Variants in OPCML observed in about 807,000 individuals in gnomAD.
OPCML encodes opioid binding protein/cell adhesion molecule like.
A neutral mutation model predicts 37.8 loss-of-function variants in OPCML; 13 were observed. That is an observed-to-expected ratio of 0.34 (90% CI 0.22 to 0.55). OPCML has a LOEUF of 0.55. OPCML is among the 20% of genes least tolerant of loss of function. OPCML has a pLI of 0.91. For synonymous variants in OPCML, 176 were observed against 168.8 expected (o/e 1.04, Z -0.33); for missense variants, 341 against 435.6 (o/e 0.78, Z 1.93).
chr11:133,088,653 T>C (rs769608307), intron 1 of OPCML, among the ~76,000 whole-genome samples: 2 of 152,226 alleles, frequency 1.3e-5, no homozygotes, highest in Admixed American at 1.3e-4. Flanking sequence ...GGATTAATTA[T>C]ATAACATGGA....
chr11:133,080,789 AC>A (rs1948702724), intron 1 of OPCML, among the ~76,000 whole-genome samples: 2 of 152,046 alleles, frequency 1.3e-5, no homozygotes, highest in Non-Finnish European at 2.9e-5. Context: ...TCCTTTAAAC[AC>A]CTTGCAGGCA....
rs144264900 is a variant in OPCML, at chr11:132,683,989, C to CTT, written c.147-26672_147-26671dup. Among the ~76,000 whole-genome samples the CTT allele has an allele frequency of 2.9e-3, 440 of 152,210 alleles. 1 individual carries two copies. Among genetic ancestry groups the CTT allele is most frequent in the African/African-American group, 9.0e-3 (373 of 41,518 alleles). On this transcript the variant is annotated intron_variant, in intron 2 of 7. Coordinates refer to ENST00000524381, the MANE Select transcript of OPCML (RefSeq NM_001012393.5). Reference sequence around the variant, plus strand: ...TCCCTTTCTGAATATTTGTCTCCAACTTTATACTTGTATTGACCCTTTTAG... The same window carrying CTT: ...TCCCTTTCTGAATATTTGTCTCCAACTTTTTATACTTGTATTGACCCTTTTAG...
At chr11:133,445,416 C>T (rs939782982) in intron 1 of OPCML, among the ~76,000 whole-genome samples, 4 of 152,178 alleles carry the variant, frequency 2.6e-5, no homozygotes, top group African/African-American at 9.7e-5. Context: ...AACATAATCC[C>T]AGACCAATTT....
chr11:132,610,801 C>A (rs1477790840), intron 3 of OPCML, among the ~76,000 whole-genome samples: 3 of 152,308 alleles, frequency 2.0e-5, no homozygotes, highest in South Asian at 2.1e-4. Context: ...TCAACCTCAA[C>A]CTCCTTGAGT....
intron 1 of OPCML, among the ~76,000 whole-genome samples, chr11:133,441,172 G>T (rs1181618736): frequency 1.3e-5 from 2 of 151,648 alleles, no homozygotes; most frequent in East Asian, 3.9e-4. Flanking sequence ...ATAAATCCAG[G>T]TCTATGCCTC....
rs2095952049 is a variant in OPCML at position 132,420,005 on chromosome 11, GC to G, written c.*187del. 4.5e-6 allele frequency: 1 copy of G among 223,136 alleles called. No homozygotes were observed. Among genetic ancestry groups the G allele is most frequent in the Non-Finnish European group, 8.8e-6 (1 of 113,442 alleles). 13.8% of individuals were successfully genotyped at this position (223,136 alleles called of 1,614,324 possible). On this transcript the variant is annotated 3_prime_UTR_variant, in exon 8 of 8. Transcript: ENST00000524381. ...CACGTGGTAGAACCCTGCCCACCCC[GC>G]CCCCAACCCCACTCATTCAAGCTGG... is the stretch of plus-strand genomic sequence containing the variant.
intron 2 of OPCML, among the ~76,000 whole-genome samples, chr11:132,706,704 T>C (rs1944046612): frequency 6.6e-6 from 1 of 152,054 alleles, no homozygotes; most frequent in African/African-American, 2.4e-5. Flanking sequence ...AGGTTAGCAC[T>C]CCCCCACCCT....
At chr11:132,633,206 T>G (rs1940262649) in intron 3 of OPCML, among the ~76,000 whole-genome samples, 1 of 152,012 alleles carries the variant, frequency 6.6e-6, no homozygotes, top group Non-Finnish European at 1.5e-5. Context: ...TCGGTAGCTC[T>G]CTCTCTTTTT....
chr11:133,531,911 T>C (rs550636688), intron 1 of OPCML, among the ~76,000 whole-genome samples: 37 of 152,280 alleles, frequency 2.4e-4, no homozygotes, highest in African/African-American at 8.2e-4. Context: ...GAAGGATTTA[T>C]GGCTGGGAGT....
At chr11:132,842,209 G>A (rs1941324641) in intron 2 of OPCML, among the ~76,000 whole-genome samples, 1 of 152,228 alleles carries the variant, frequency 6.6e-6, no homozygotes, top group East Asian at 1.9e-4. Flanking sequence ...CAACACCGAT[G>A]TAGCCACCTA....
chr11:133,287,481 C>A (rs1446137364), intron 1 of OPCML, among the ~76,000 whole-genome samples: 2 of 148,584 alleles, frequency 1.3e-5, no homozygotes, highest in Non-Finnish European at 3.0e-5. Context: ...CTCATGCCCA[C>A]CAGACCGGAA....
intron 2 of OPCML, among the ~76,000 whole-genome samples, chr11:132,876,507 T>C (rs1943021844): frequency 6.6e-6 from 1 of 152,192 alleles, no homozygotes; most frequent in Non-Finnish European, 1.5e-5. Flanking sequence ...TATCTGGAAA[T>C]AGTCAGTGGA....
intron 1 of OPCML, among the ~76,000 whole-genome samples, chr11:132,944,012 G>C (rs960163394): frequency 5.3e-5 from 8 of 151,844 alleles, no homozygotes; most frequent in Admixed American, 2.6e-4. Flanking sequence ...CTGGCGGGCG[G>C]CGCGGACTGC....
intron 1 of OPCML, among the ~76,000 whole-genome samples, chr11:133,440,496 G>A (rs748418291): frequency 7.9e-5 from 12 of 151,776 alleles, no homozygotes; most frequent in Non-Finnish European, 1.3e-4. Flanking sequence ...GGAGGCCGAG[G>A]TGGGTGGATC....
At chr11:132,578,609 A>G (rs2096455916) in intron 3 of OPCML, among the ~76,000 whole-genome samples, 1 of 152,206 alleles carries the variant, frequency 6.6e-6, no homozygotes, top group Non-Finnish European at 1.5e-5. Flanking sequence ...ACAGTTCACT[A>G]AGCTTACAAT....
chr11:132,960,017 A>G (rs543503950), intron 1 of OPCML, among the ~76,000 whole-genome samples: 1 of 152,346 alleles, frequency 6.6e-6, no homozygotes, highest in Admixed American at 6.5e-5. Context: ...TTGAGCTTAA[A>G]CAGGCTGCTT....
intron 1 of OPCML, among the ~76,000 whole-genome samples, chr11:133,051,134 T>C (rs546587795): frequency 1.3e-5 from 2 of 151,942 alleles, no homozygotes; most frequent in South Asian, 4.2e-4. Context: ...GCTCATAACT[T>C]CTCCCATGCA....
intron 1 of OPCML, among the ~76,000 whole-genome samples, chr11:133,424,026 A>G (rs981256327): frequency 6.6e-5 from 10 of 152,232 alleles, no homozygotes; most frequent in African/African-American, 2.4e-4. Flanking sequence ...AACCTCTGTT[A>G]TTTATAAATT....
At chr11:132,957,405 A>G (rs1234954458) in intron 1 of OPCML, among the ~76,000 whole-genome samples, 1 of 152,188 alleles carries the variant, frequency 6.6e-6, no homozygotes, top group Non-Finnish European at 1.5e-5. Context: ...ACATAATCAG[A>G]GTTCTCCAGG....
Sources: gnomAD v4.1 joint callset for allele counts (sites outside exome capture counted in the v4.1 genomes callset) on GRCh38, gnomAD v4.1.1 for gene constraint, MANE v1.5 for transcripts, NCBI Gene and HGNC (gene_info 2026-07-23, HGNC 2026-07-21) for gene names.